Variants in KIAA1328 observed in about 807,000 individuals in gnomAD.
KIAA1328 encodes the protein KIAA1328.
Under a neutral mutation model 68.1 loss-of-function variants are expected in KIAA1328, and 52 were observed. That is an observed-to-expected ratio of 0.76 (90% CI 0.61 to 0.96). The LOEUF (loss-of-function observed/expected upper bound fraction) is 0.96. Ranked by LOEUF, KIAA1328 falls within the 40% of genes least tolerant of loss-of-function variation. KIAA1328 has a pLI of 0.00. For missense variants in KIAA1328, 641 were observed against 677.6 expected, an observed-to-expected ratio of 0.95 and a Z score of 0.60; for synonymous variants, 232 against 239.4, an observed-to-expected ratio of 0.97 and a Z score of 0.28.
chr18:37,099,465 T>C (rs566700426), intron 7 of KIAA1328, among the ~76,000 whole-genome samples: 1 of 152,346 alleles, frequency 6.6e-6, no homozygotes, highest in South Asian at 2.1e-4. Flanking sequence ...TCTGATCTTT[T>C]ACATTTGCTG....
intron 3 of KIAA1328, among the ~76,000 whole-genome samples, 184 bp from the exon 4 acceptor site, chr18:36,844,024 G>C (rs2046945138): frequency 6.6e-6 from 1 of 152,042 alleles, no homozygotes; most frequent in African/African-American, 2.4e-5. Context: ...ATCTCATGAA[G>C]TGTCCTAGTG....
chr18:36,938,989 T>A (rs1232799826), intron 5 of KIAA1328, among the ~76,000 whole-genome samples: 1 of 152,220 alleles, frequency 6.6e-6, no homozygotes, highest in African/African-American at 2.4e-5. Flanking sequence ...TTTTGATTAC[T>A]CTTGCTTTGT....
intron 6 of KIAA1328, among the ~76,000 whole-genome samples, chr18:37,058,245 C>T (rs1219410676): frequency 6.6e-6 from 1 of 152,128 alleles, no homozygotes; most frequent in Non-Finnish European, 1.5e-5. Flanking sequence ...CCTGAGACCC[C>T]TTCCTCGTTG....
intron 9 of KIAA1328, among the ~76,000 whole-genome samples, chr18:37,198,991 C>A (rs2060056498): frequency 6.6e-6 from 1 of 152,168 alleles, no homozygotes; most frequent in South Asian, 2.1e-4. Context: ...CTAACTTACA[C>A]AACTATAATT....
At chr18:36,926,356 C>G (rs2050115535) in intron 5 of KIAA1328, among the ~76,000 whole-genome samples, 1 of 150,514 alleles carries the variant, frequency 6.6e-6, no homozygotes, top group African/African-American at 2.4e-5. Flanking sequence ...TCACTTTCTT[C>G]CTTTTTCTTT....
At chr18:37,228,799 G>T (rs1394543826), downstream of KIAA1328, among the ~76,000 whole-genome samples, 3 of 150,128 alleles carry the variant, frequency 2.0e-5, no homozygotes, top group Non-Finnish European at 3.0e-5. Flanking sequence ...CAGCCTGGGA[G>T]ACAGAGCAAG....
At chr18:37,099,689 A>G (rs1344749428) in intron 7 of KIAA1328, among the ~76,000 whole-genome samples, 2 of 152,080 alleles carry the variant, frequency 1.3e-5, no homozygotes, top group Non-Finnish European at 2.9e-5. Flanking sequence ...AAAGTCTCCC[A>G]TTATTATTGT....
At chr18:36,975,157 G>C (rs542881245) in intron 6 of KIAA1328, among the ~76,000 whole-genome samples, 28 of 151,570 alleles carry the variant, frequency 1.8e-4, no homozygotes, top group Middle Eastern at 3.4e-3. Flanking sequence ...TTGATCCAAG[G>C]ACCAAAGTAC....
chr18:36,954,389 A>G (rs1278511135), intron 5 of KIAA1328: 1 of 152,190 alleles, frequency 6.6e-6, no homozygotes, highest in Non-Finnish European at 1.5e-5. Flanking sequence ...TGCCTATTTC[A>G]TGCAATTGGA....
At chr18:37,012,817 A>G (rs2054022189) in intron 6 of KIAA1328, among the ~76,000 whole-genome samples, 1 of 152,186 alleles carries the variant, frequency 6.6e-6, no homozygotes, top group Admixed American at 6.5e-5. Context: ...TTTTTGTAAT[A>G]CTGATTTTAA....
chr18:36,927,303 T>G (rs2151133024), intron 5 of KIAA1328, among the ~76,000 whole-genome samples: 1 of 152,340 alleles, frequency 6.6e-6, no homozygotes, highest in African/African-American at 2.4e-5. Flanking sequence ...TCTTTGCAAC[T>G]TTTTTGTTAT....
chr18:37,091,092 A>G (rs1401294871), intron 7 of KIAA1328, among the ~76,000 whole-genome samples: 1 of 152,230 alleles, frequency 6.6e-6, no homozygotes, highest in Admixed American at 6.5e-5. Flanking sequence ...AATAATAAGT[A>G]TATAAAACCT....
At chr18:37,020,707 CAGA>C (rs950295371) in intron 6 of KIAA1328, among the ~76,000 whole-genome samples, 3 of 152,226 alleles carry the variant, frequency 2.0e-5, no homozygotes, top group Non-Finnish European at 2.9e-5. Context: ...CATTGCTTTC[CAGA>C]AGGTGTATGG....
At chr18:36,951,891 C>T (rs1315373237) in intron 5 of KIAA1328, among the ~76,000 whole-genome samples, 1 of 152,154 alleles carries the variant, frequency 6.6e-6, no homozygotes, top group Admixed American at 6.5e-5. Flanking sequence ...TAATTGGTTG[C>T]TTTTATTCTA....
At chr18:36,983,757 T>G (rs1011305344) in intron 6 of KIAA1328, among the ~76,000 whole-genome samples, 3 of 152,112 alleles carry the variant, frequency 2.0e-5, no homozygotes, top group Non-Finnish European at 4.4e-5. Flanking sequence ...GAGGAAATAC[T>G]TAACAATTCA....
intron 4 of KIAA1328, among the ~76,000 whole-genome samples, chr18:36,874,008 G>A (rs1048013808): frequency 6.6e-6 from 1 of 152,170 alleles, no homozygotes; most frequent in African/African-American, 2.4e-5. Context: ...CCCTGCAAAG[G>A]GCATGAACTC....
At position 36,992,451 on chromosome 18, in the gene KIAA1328, CT is replaced by C. The variant is rs71168252; in HGVS notation, c.576+33041del. Among the ~76,000 whole-genome samples, 596 of 129,856 alleles carry C rather than the reference CT, an allele frequency of 4.6e-3. 4 individuals carry two copies. Among genetic ancestry groups the C allele is most frequent in the African/African-American group, 0.019 (547 of 28,770 alleles). 85.2% of individuals were successfully genotyped at this position (129,856 alleles called of 152,430 possible). On this transcript the variant is annotated intron_variant, in intron 6 of 9. Transcript: ENST00000280020. ...AGGTCCAATTTCTTTTCTTTTCTTT[CT>C]TTTTTTTTTTTTTTTTTTTTTTTTG...
intron 5 of KIAA1328, among the ~76,000 whole-genome samples, chr18:36,917,158 G>C (rs1035030465): frequency 6.6e-6 from 1 of 152,024 alleles, no homozygotes; most frequent in Non-Finnish European, 1.5e-5. Context: ...TTTCCTTCAT[G>C]GGTCATGTTT....
intron 1 of KIAA1328, among the ~76,000 whole-genome samples, chr18:36,831,784 T>C: frequency 6.6e-6 from 1 of 152,194 alleles, no homozygotes; most frequent in South Asian, 2.1e-4. Context: ...TAGAGTAGAA[T>C]GGGCAGTACT....
Sources: gnomAD v4.1 joint callset for allele counts (sites outside exome capture counted in the v4.1 genomes callset) on GRCh38, gnomAD v4.1.1 for gene constraint, MANE v1.5 for transcripts, NCBI Gene and HGNC (gene_info 2026-07-23, HGNC 2026-07-21) for gene names.